TMCC2: variants seen among roughly 807,000 people sequenced by gnomAD.
TMCC2 encodes the protein transmembrane and coiled-coil domains protein 2.
In TMCC2, 16 loss-of-function variants were observed where a neutral mutation model predicts 49.4. That is an observed-to-expected ratio of 0.32 (90% CI 0.22 to 0.49). TMCC2 has a LOEUF of 0.49. TMCC2 is among the 20% of genes least tolerant of loss of function. The probability of loss-of-function intolerance (pLI) is 0.99; values close to 1 mark genes in which losing one functional copy is unlikely to be tolerated. For missense variants in TMCC2, 762 were observed against 989.8 expected (o/e 0.77, Z 3.09); for synonymous variants, 397 against 434.1 (o/e 0.91, Z 1.06).
At chr1:205,237,973 C>A (rs1660122435) in intron 1 of TMCC2, among the ~76,000 whole-genome samples, 1 of 152,194 alleles carries the variant, frequency 6.6e-6, no homozygotes, top group African/African-American at 2.4e-5. Flanking sequence ...TCTTACAGAT[C>A]ATGAAAGCCC....
chr1:205,264,991 G>T lies in TMCC2; in HGVS notation c.748-3959G>T, dbSNP rs920983211. Among the ~76,000 whole-genome samples, 1 of 152,204 alleles carries T rather than the reference G, an allele frequency of 6.6e-6. No individual in the cohort carries two copies. The highest frequency in any genetic ancestry group is 2.4e-5 in the African/African-American group (1 of 41,448). ...CCTTTCTGGAAGCCAGTGGAACTGA[G>T]TCCTCCACAGGGAAGAGAATAAAAT... On this transcript the variant is annotated intron_variant, in intron 2 of 4. Coordinates refer to ENST00000358024, the MANE Select transcript of TMCC2 (RefSeq NM_014858.4). This position sits in a 1 kb window ranked among gnomAD's most constrained non-coding sequence, Gnocchi z 4.2.
chr1:205,249,026 A>G (rs1380095091), intron 2 of TMCC2, among the ~76,000 whole-genome samples: 3 of 152,090 alleles, frequency 2.0e-5, no homozygotes, highest in Non-Finnish European at 4.4e-5. Flanking sequence ...GACTCTGTGG[A>G]GGTGCTGGGG....
rs550424580 is a variant in TMCC2 at position 205,272,218 on chromosome 1, C to G, written c.*94C>G. The stretch of plus-strand genomic sequence containing the variant: ...GGACTTCTTTGTGTGTCCAGTTTGG[C>G]CTCCTGCCCAAACTGTCCATTCCAG... On this transcript the variant is annotated 3_prime_UTR_variant, in exon 5 of 5. Transcript: ENST00000358024. 4.0e-5 allele frequency: 61 copies of G among 1,513,974 alleles called. No individual in the cohort carries two copies. In the African/African-American group the frequency reaches 7.3e-4, roughly 18 times the overall value. 93.8% of individuals were successfully genotyped at this position (1,513,974 alleles called of 1,614,324 possible).
chr1:205,229,576 GGGGAA>G, intron 1 of TMCC2: 1 of 935,654 alleles, frequency 1.1e-6, no homozygotes, highest in Non-Finnish European at 1.3e-6. Context: ...GGGGGCGGGG[GGGGAA>G]GGTGGATTTC....
chr1:205,256,217 C>T, intron 2 of TMCC2: 2 of 1,489,206 alleles, frequency 1.3e-6, no homozygotes, highest in Non-Finnish European at 1.8e-6. Flanking sequence ...GTGCAGAATC[C>T]ATGTCTTTCT....
At chr1:205,239,894 T>A (rs1480686182) in intron 1 of TMCC2, among the ~76,000 whole-genome samples, 1 of 152,132 alleles carries the variant, frequency 6.6e-6, no homozygotes, top group Non-Finnish European at 1.5e-5. Context: ...TGGGGTCAGC[T>A]CATTTAGAGG....
chr1:205,256,432 G>A, intron 2 of TMCC2: 1 of 1,550,604 alleles, frequency 6.4e-7, no homozygotes, highest in Non-Finnish European at 8.7e-7. Flanking sequence ...TTTCCCATCT[G>A]TGCTTTATCT....
intron 1 of TMCC2, among the ~76,000 whole-genome samples, chr1:205,230,816 T>C (rs551616405): frequency 6.7e-6 from 1 of 148,816 alleles, no homozygotes; most frequent in African/African-American, 2.4e-5. Context: ...TCCTGTATTA[T>C]CTTTTTTTTC....
At chr1:205,248,101 C>G (rs1660523531) in intron 2 of TMCC2, among the ~76,000 whole-genome samples, 1 of 152,142 alleles carries the variant, frequency 6.6e-6, no homozygotes, top group African/African-American at 2.4e-5. Flanking sequence ...TGTTTAAAAA[C>G]AAAAACAAAA....
chr1:205,256,514 TC>T, intron 2 of TMCC2: 1 of 1,243,686 alleles, frequency 8.0e-7, no homozygotes, highest in Non-Finnish European at 1.1e-6. Context: ...GCCATTGGTG[TC>T]CAGGGCAGAG....
Position 205,264,781 on chromosome 1 carries a change from T to C in TMCC2, c.748-4169T>C, listed in dbSNP as rs1002953580. On this transcript the variant is annotated intron_variant, in intron 2 of 4. Transcript: ENST00000358024. This position sits in a 1 kb window ranked among gnomAD's most constrained non-coding sequence, Gnocchi z 4.2. ...TGCTGGGATTACAGGTGTGAGCCAC[T>C]GCGCCTGGCCCCTGTATTTTAAAAT... 6.6e-6 allele frequency among the ~76,000 whole-genome samples: 1 copy of C among 152,302 alleles called. No individual in the cohort carries two copies. Among genetic ancestry groups the C allele is most frequent in the Admixed American group, 6.5e-5 (1 of 15,290 alleles).
intron 2 of TMCC2, among the ~76,000 whole-genome samples, chr1:205,242,657 C>G (rs1427667364): frequency 3.3e-5 from 5 of 152,120 alleles, no homozygotes; most frequent in African/African-American, 1.2e-4. Flanking sequence ...TGTTGTGCTA[C>G]AAGAATGAAC....
At chr1:205,271,735 C>A in intron 4 of TMCC2, 78 bp from the exon 5 acceptor site, 1 of 1,531,632 alleles carries the variant, frequency 6.5e-7, no homozygotes, top group South Asian at 1.2e-5. Flanking sequence ...GGCACCTTCT[C>A]AGTGGGGTAG....
intron 4 of TMCC2, 77 bp from the exon 5 acceptor site, chr1:205,271,736 A>G: frequency 1.3e-6 from 2 of 1,529,506 alleles, no homozygotes; most frequent in South Asian, 1.2e-5. Context: ...GCACCTTCTC[A>G]GTGGGGTAGG....
Position 205,271,783 on chromosome 1 carries a change from G to A in TMCC2, c.1819-30G>A, listed in dbSNP as rs767930506. ...CCTAGGGGTCCTGCCCATCCTGAGC[G>A]CACACATGCCAGCCCCTCTGCCCCT... On this transcript the variant is annotated intron_variant, in intron 4 of 4. Transcript: ENST00000358024. The A allele has an allele frequency of 4.3e-5, 69 of 1,596,236 alleles. 1 individual carries two copies. The highest frequency in any genetic ancestry group is 3.2e-4 in the African/African-American group (24 of 74,760).
chr1:205,228,347 A>G lies in TMCC2; in HGVS notation c.-218A>G. On this transcript the variant is annotated 5_prime_UTR_variant, in exon 1 of 5. Coordinates refer to ENST00000358024, the MANE Select transcript of TMCC2 (RefSeq NM_014858.4). ...GACCTGTCTTCGCTCCCCAGGTCGAAATGAACTATTCCAAGCTATAACCAA... is the reference window on the plus strand; with the variant it reads ...GACCTGTCTTCGCTCCCCAGGTCGAGATGAACTATTCCAAGCTATAACCAA... 1 of 470,138 alleles carries G rather than the reference A, an allele frequency of 2.1e-6. No homozygotes were observed. The allele number at this position is 470,138 out of a possible 1,614,324, so 29.1% of individuals were successfully genotyped here.
In TMCC2 at chr1:205,243,927, G is replaced by A. The variant is rs1297964350; in HGVS notation, c.747+1883G>A. Among the ~76,000 whole-genome samples, 4 of 152,242 alleles carry A rather than the reference G, an allele frequency of 2.6e-5. No individual in the cohort carries two copies. The East Asian group carries it at 7.7e-4, about 29-fold the overall frequency. On this transcript the variant is annotated intron_variant, in intron 2 of 4. Transcript: ENST00000358024. ...ATGTAAGTGACAGGCCAAGCACCAG[G>A]AGCCCGAGAGAGAGCAGTCAGATGG...
chr1:205,259,375 G>T (rs1049872950), intron 2 of TMCC2, among the ~76,000 whole-genome samples: 1 of 152,168 alleles, frequency 6.6e-6, no homozygotes, highest in African/African-American at 2.4e-5. Context: ...CAGCTTTCTC[G>T]TGCAGCTGGG....
chr1:205,249,601 C>T (rs567319765), intron 2 of TMCC2, among the ~76,000 whole-genome samples: 1 of 152,218 alleles, frequency 6.6e-6, no homozygotes, highest in African/African-American at 2.4e-5. Flanking sequence ...TCTGCCTGTT[C>T]ACACGAATGC....
Sources: gnomAD v4.1 joint callset for allele counts (sites outside exome capture counted in the v4.1 genomes callset) on GRCh38, gnomAD v4.1.1 for gene constraint, Gnocchi (gnomAD v3.1) non-coding constraint, MANE v1.5 for transcripts, NCBI Gene and HGNC (gene_info 2026-07-23, HGNC 2026-07-21) for gene names.